Variants in TNRC18 observed in about 807,000 individuals in gnomAD.
TNRC18 encodes trinucleotide repeat-containing gene 18 protein.
TNRC18 carries 69 observed loss-of-function variants against 226.7 expected under a neutral mutation model. The observed-to-expected ratio is 0.30, with a 90% CI of 0.25 to 0.37. The LOEUF (loss-of-function observed/expected upper bound fraction) is 0.37. TNRC18 is among the 10% of genes least tolerant of loss of function. TNRC18 has a pLI of 1.00. For missense variants in TNRC18, 4,754 were observed against 4,256.6 expected (o/e 1.12, Z -3.25); for synonymous variants, 2,449 against 1,927.6 (o/e 1.27, Z -7.09).
chr7:5,367,010 G>C (rs1030088911), intron 11 of TNRC18, among the ~76,000 whole-genome samples: 2 of 152,204 alleles, frequency 1.3e-5, no homozygotes, highest in Non-Finnish European at 2.9e-5. Flanking sequence ...GTTTGCAGAG[G>C]TGGTCAAGTT....
chr7:5,390,860 G>A (rs772811055), intron 3 of TNRC18, among the ~76,000 whole-genome samples: 6 of 152,040 alleles, frequency 3.9e-5, no homozygotes, highest in Non-Finnish European at 8.8e-5. Flanking sequence ...CCCCCAGAAA[G>A]AGGATCAGAA....
chr7:5,313,440 C>A lies in TNRC18; in HGVS notation c.7451G>T (p.Arg2484Leu), dbSNP rs779479839. ...CCAGCCCCCCGCCCCCGGATCCTCC[C>A]GGAGCAGCAGGGCCTCTTTAGCCTT... ...SKKAKEALLL[R>L]EDPGAGGWQE... The change falls in exon 27 of 30, where the codon CGG becomes CTG. Residue 2484 changes from arginine (R) to leucine (L), a missense_variant. Transcript: ENST00000430969. 5.6e-6 allele frequency: 9 copies of A among 1,611,110 alleles called. No homozygotes were observed. The African/African-American group carries it at 1.1e-4, about 19-fold the overall frequency.
chr7:5,320,132 C>A, intron 24 of TNRC18, 186 bp downstream of exon 24: 1 of 583,452 alleles, frequency 1.7e-6, no homozygotes. Context: ...ATACTCAGAG[C>A]TGGAGTCCTG....
At chr7:5,386,312 A>C (rs918560670) in intron 5 of TNRC18, among the ~76,000 whole-genome samples, 2 of 151,690 alleles carry the variant, frequency 1.3e-5, no homozygotes, top group Non-Finnish European at 2.9e-5. Flanking sequence ...AAAAAGTGAC[A>C]CAGGTAGGAG....
rs768931343 is a variant in TNRC18 at position 5,388,960 on chromosome 7, G to C, written c.864C>G (p.Ala288=). 7.2e-7 allele frequency: 1 copy of C among 1,386,136 alleles called. No homozygotes were observed. The highest frequency in any genetic ancestry group is 9.4e-7 in the Non-Finnish European group (1 of 1,064,762). The allele number at this position is 1,386,136 out of a possible 1,614,324, so 85.9% of individuals were successfully genotyped here. A position where few individuals can be genotyped will look rare whatever the true frequency, so the allele number is the denominator to read the frequency against. The change falls in exon 5 of 30, where the codon GCC becomes GCG. Residue 288 remains alanine, a synonymous_variant. Transcript: ENST00000430969. ...CCAGCGCGGGCAGCCCCACGTCCCC[G>C]GCGCCGCCGTTGCACATGGTCAGTA... ...PSVLTMCNGG[A]GDVGLPALVA... is the part of the protein sequence containing the mutation.
chr7:5,317,839 A>G (rs1788005728), intron 24 of TNRC18, among the ~76,000 whole-genome samples: 1 of 151,680 alleles, frequency 6.6e-6, no homozygotes, highest in Admixed American at 6.6e-5. Context: ...CCAAGTAGCT[A>G]GGACAACAGG....
chr7:5,357,712 CT>C (rs959022232), intron 15 of TNRC18, among the ~76,000 whole-genome samples: 3 of 152,156 alleles, frequency 2.0e-5, no homozygotes, highest in African/African-American at 7.2e-5. Context: ...TGGTCTCAAA[CT>C]TTTAGGCTCA....
chr7:5,395,653 C>T (rs962647234), intron 2 of TNRC18, among the ~76,000 whole-genome samples: 1 of 152,200 alleles, frequency 6.6e-6, no homozygotes, highest in Non-Finnish European at 1.5e-5. Flanking sequence ...AAACATGCCT[C>T]CCTTCGGGAA....
At chr7:5,361,780 C>CA in intron 13 of TNRC18, 58 bp from the exon 14 acceptor site, 1 of 1,541,600 alleles carries the variant, frequency 6.5e-7, no homozygotes, top group Admixed American at 2.0e-5. Flanking sequence ...GCGCGGAGAA[C>CA]GGGCACACGA....
Position 5,311,152 on chromosome 7 carries a change from G to A in TNRC18, c.8388+1351C>T, listed in dbSNP as rs545978393. 2.6e-5 allele frequency among the ~76,000 whole-genome samples: 4 copies of A among 152,356 alleles called. No homozygotes were observed. In the East Asian group the frequency reaches 5.8e-4, roughly 22 times the overall value. On this transcript the variant is annotated intron_variant, in intron 27 of 29. Transcript: ENST00000430969. ...TGCATGTGTGTATACTTGCTTTTGT[G>A]TGTGGCTGTATGTGCATTCATGTGT...
At chr7:5,360,312 C>T (rs911465041) in intron 14 of TNRC18, among the ~76,000 whole-genome samples, 3 of 152,034 alleles carry the variant, frequency 2.0e-5, no homozygotes, top group South Asian at 2.1e-4. Flanking sequence ...TCACTGCAAC[C>T]TCTGCCTCCC....
At chr7:5,382,524 C>T (rs1307753839) in intron 5 of TNRC18, among the ~76,000 whole-genome samples, 1 of 152,086 alleles carries the variant, frequency 6.6e-6, no homozygotes, top group African/African-American at 2.4e-5. Context: ...GATAGGGTTG[C>T]TCTCCAGGGG....
intron 5 of TNRC18, among the ~76,000 whole-genome samples, chr7:5,378,320 G>T (rs548312912): frequency 6.6e-6 from 1 of 152,176 alleles, no homozygotes; most frequent in Non-Finnish European, 1.5e-5. Context: ...CAACAGCCAG[G>T]GATATTGTAA....
Position 5,352,042 on chromosome 7 carries a change from T to C in TNRC18, c.5247A>G (p.Gln1749=), listed in dbSNP as rs1268807033. The change falls in exon 17 of 30, where the codon CAA becomes CAG. Residue 1749 remains glutamine, a synonymous_variant. Coordinates refer to ENST00000430969, the MANE Select transcript of TNRC18 (RefSeq NM_001080495.3). ...EEFLKDEWPA[Q]GPSSSKLTPS... ...GCGTCAGTTTGGAGCTGGAGGGGCC[T>C]TGGGCGGGCCACTCGTCCTTCAGGA... The C allele has an allele frequency of 6.2e-7, 1 of 1,613,626 alleles. No homozygotes were observed. Among genetic ancestry groups the C allele is most frequent in the Non-Finnish European group, 8.5e-7 (1 of 1,179,722 alleles).
At chr7:5,314,947 C>A in intron 26 of TNRC18, 37 bp downstream of exon 26, 1 of 1,567,786 alleles carries the variant, frequency 6.4e-7, no homozygotes, top group South Asian at 1.2e-5. Context: ...GAAGGAGATC[C>A]GCCCACCGCC....
At position 5,306,866 on chromosome 7, in the gene TNRC18, C is replaced by CAAAAG. The variant is rs1562464480; in HGVS notation, c.*1235_*1239dup. The CAAAAG allele has an allele frequency of 8.3e-6, 1 of 120,494 alleles. No homozygotes were observed. The highest frequency in any genetic ancestry group is 1.7e-5 in the Non-Finnish European group (1 of 60,296). 7.5% of individuals were successfully genotyped at this position (120,494 alleles called of 1,614,324 possible). A position where few individuals can be genotyped will look rare whatever the true frequency, so the allele number is the denominator to read the frequency against. ...CAGAATTTGCCAACAAACAAAATTCCAAAAGAAACATAAAAAAAAAAACCA... is the reference window on the plus strand; with the variant it reads ...CAGAATTTGCCAACAAACAAAATTCCAAAAGAAAAGAAACATAAAAAAAAAAACCA... On this transcript the variant is annotated 3_prime_UTR_variant, in exon 30 of 30. Coordinates refer to ENST00000430969, the MANE Select transcript of TNRC18 (RefSeq NM_001080495.3).
In TNRC18 at chr7:5,377,289, C is replaced by A. The variant is rs1297123063; in HGVS notation, c.2461+82G>T. On this transcript the variant is annotated intron_variant, in intron 7 of 29. Transcript: ENST00000430969. The surrounding 1 kb of genome is among the most constrained non-coding windows in gnomAD (Gnocchi z 5.8). The stretch of plus-strand genomic sequence containing the variant: ...CCCCCCAGGAAACGGCAGGCAGGAG[C>A]CAGCCCTGAGCTCTTGTCCTGCACC... 6 of 1,379,812 alleles carry A rather than the reference C, an allele frequency of 4.3e-6. No homozygotes were observed. The highest frequency in any genetic ancestry group is 5.8e-6 in the Non-Finnish European group (6 of 1,035,366). 85.5% of individuals were successfully genotyped at this position (1,379,812 alleles called of 1,614,324 possible).
chr7:5,375,551 G>A (rs1335987787), intron 9 of TNRC18, among the ~76,000 whole-genome samples: 1 of 152,164 alleles, frequency 6.6e-6, no homozygotes, highest in Non-Finnish European at 1.5e-5. Context: ...GCTTCTTGCT[G>A]TATGCACTAC....
chr7:5,312,733 T>G lies in TNRC18; in HGVS notation c.8158A>C (p.Lys2720Gln). The change falls in exon 27 of 30, where the codon AAG becomes CAG. Residue 2720 changes from lysine (K) to glutamine (Q), a missense_variant. Coordinates refer to ENST00000430969, the MANE Select transcript of TNRC18 (RefSeq NM_001080495.3). The surrounding 1 kb of genome is among the most constrained non-coding windows in gnomAD (Gnocchi z 6.3). Reference sequence around the variant, plus strand: ...GCCTGGGGCTGGGGCGCGGGCGTCTTCTTGCCTGGGGAGTGGGCCGAGGGC... The same window carrying G: ...GCCTGGGGCTGGGGCGCGGGCGTCTGCTTGCCTGGGGAGTGGGCCGAGGGC... ...ARPSAHSPGKKTPAPQPQAPP... is the reference protein window; with the variant it reads ...ARPSAHSPGKQTPAPQPQAPP... 1 of 1,551,566 alleles carries G rather than the reference T, an allele frequency of 6.4e-7. No individual in the cohort carries two copies. Among genetic ancestry groups the G allele is most frequent in the Non-Finnish European group, 8.7e-7 (1 of 1,153,914 alleles).
Sources: gnomAD v4.1 joint callset for allele counts (sites outside exome capture counted in the v4.1 genomes callset) on GRCh38, gnomAD v4.1.1 for gene constraint, Gnocchi (gnomAD v3.1) non-coding constraint, MANE v1.5 for transcripts, NCBI Gene and HGNC (gene_info 2026-07-23, HGNC 2026-07-21) for gene names.